The following TTLL8 variants were observed in gnomAD, a reference collection of about 807,000 sequenced individuals.
The protein encoded by TTLL8 is tubulin tyrosine ligase like 8, also known as protein monoglycylase TTLL8.
A neutral mutation model predicts 77.8 loss-of-function variants in TTLL8; 65 were observed. The observed-to-expected ratio is 0.84, with a 90% CI of 0.68 to 1.03. The LOEUF (loss-of-function observed/expected upper bound fraction) is 1.03. TTLL8 is among the 50% of genes least tolerant of loss of function. TTLL8 has a pLI of 0.00. For missense variants in TTLL8, 910 were observed against 1,004.5 expected (o/e 0.91, Z 1.27); for synonymous variants, 402 against 422.8 (o/e 0.95, Z 0.60).
chr22:50,048,862 C>T (rs1201611885), intron 3 of TTLL8, among the ~76,000 whole-genome samples: 2 of 152,204 alleles, frequency 1.3e-5, no homozygotes, highest in Non-Finnish European at 2.9e-5. Context: ...TGGGGAGGCA[C>T]ATACTACTGT....
rs769897519 is a variant in TTLL8 at position 50,050,095 on chromosome 22, C to T, written c.190+14G>A. 1.5e-6 allele frequency: 2 copies of T among 1,365,690 alleles called. No homozygotes were observed. The highest frequency in any genetic ancestry group is 2.0e-6 in the Non-Finnish European group (2 of 1,021,480). The allele number at this position is 1,365,690 out of a possible 1,614,324, so 84.6% of individuals were successfully genotyped here. A position where few individuals can be genotyped will look rare whatever the true frequency, so the allele number is the denominator to read the frequency against. ...ACACGCCCTGAGCTGAGACGTGCGC[C>T]TCCGATACGCTACCATTGACCCGGG... On this transcript the variant is annotated intron_variant, in intron 2 of 13. Transcript: ENST00000266182.
chr22:50,052,955 G>C (rs974452246), intron 1 of TTLL8, among the ~76,000 whole-genome samples: 1 of 152,170 alleles, frequency 6.6e-6, no homozygotes, highest in Non-Finnish European at 1.5e-5. Flanking sequence ...AGCACGGTGG[G>C]TCAAGTCAGT....
chr22:50,038,204 T>G (rs954990111), intron 8 of TTLL8, among the ~76,000 whole-genome samples: 1 of 152,228 alleles, frequency 6.6e-6, no homozygotes, highest in African/African-American at 2.4e-5. Flanking sequence ...GTCTTGTATA[T>G]TAACTTTGTA....
At chr22:50,027,678 G>A in intron 12 of TTLL8, 1 of 985,458 alleles carries the variant, frequency 1.0e-6, no homozygotes, top group Non-Finnish European at 1.2e-6. Context: ...GGCCGGACTG[G>A]GCCTGGTGAC....
intron 6 of TTLL8, among the ~76,000 whole-genome samples, chr22:50,043,547 A>G (rs1425360331): frequency 6.8e-6 from 1 of 147,212 alleles, no homozygotes; most frequent in Non-Finnish European, 1.5e-5. Flanking sequence ...CGTTAGATGG[A>G]TAGATAGATA....
rs5771321 is a variant in TTLL8 at position 50,044,688 on chromosome 22, A to G, written c.643+567T>C. Reference sequence around the variant, plus strand: ...CTCTGGTGGGGGATGTTGGCGGTGCAGGAGGCGCGGGGGCAGGAGAGTGTG... The same window carrying G: ...CTCTGGTGGGGGATGTTGGCGGTGCGGGAGGCGCGGGGGCAGGAGAGTGTG... On this transcript the variant is annotated intron_variant, in intron 6 of 13. Coordinates refer to ENST00000266182, the Ensembl canonical transcript of TTLL8. The surrounding 1 kb of genome is among the most constrained non-coding windows in gnomAD (Gnocchi z 4.2). 0.46 allele frequency among the ~76,000 whole-genome samples: 69,349 copies of G among 152,136 alleles called. 16,148 individuals are homozygous for G. Among genetic ancestry groups the G allele is most frequent in the Non-Finnish European group, 0.5 (34,324 of 67,978 alleles).
rs2061398991 is a variant in TTLL8 at position 50,044,957 on chromosome 22, C to T, written c.643+298G>A. On this transcript the variant is annotated intron_variant, in intron 6 of 13. Transcript: ENST00000266182. The surrounding 1 kb of genome is among the most constrained non-coding windows in gnomAD (Gnocchi z 4.2). ...GTGGCCGTGGGGTGGGGCAGGCTTC[C>T]GACCACAGGCTGGAACCACGTCCGC... Among the ~76,000 whole-genome samples the T allele has an allele frequency of 6.6e-6, 1 of 152,084 alleles. No homozygotes were observed. The highest frequency in any genetic ancestry group is 2.4e-5 in the African/African-American group (1 of 41,396).
chr22:50,019,734 C>T (rs1211728108), intron 12 of TTLL8, among the ~76,000 whole-genome samples: 4 of 152,188 alleles, frequency 2.6e-5, no homozygotes, highest in South Asian at 2.1e-4. Context: ...GAGCCCTTCT[C>T]GGACTCCTGA....
At position 50,041,142 on chromosome 22, in the gene TTLL8, C is replaced by G. The variant is rs760983364; in HGVS notation, c.921+45G>C. The G allele has an allele frequency of 1.0e-5, 4 of 392,342 alleles. No homozygotes were observed. The Admixed American group carries it at 1.1e-4, about 11-fold the overall frequency. 24.3% of individuals were successfully genotyped at this position (392,342 alleles called of 1,614,324 possible). On this transcript the variant is annotated intron_variant, in intron 8 of 13. Transcript: ENST00000266182. The surrounding 1 kb of genome is among the most constrained non-coding windows in gnomAD (Gnocchi z 4.3). ...ACCTCTGCCAGTCACTCACCAACACCAAGAGTGAGGCAGGTGCCCCAGTGG... is the reference window on the plus strand; with the variant it reads ...ACCTCTGCCAGTCACTCACCAACACGAAGAGTGAGGCAGGTGCCCCAGTGG...
chr22:50,021,881 TCTCCATCTGACGTGCACTC>T (rs1419419833), intron 12 of TTLL8, among the ~76,000 whole-genome samples: 1 of 66,032 alleles, frequency 1.5e-5, no homozygotes, highest in Non-Finnish European at 3.0e-5. Flanking sequence ...GACATGCACT[TCTCCATCTGACGTGCACTC>T]CTCCATCTGA....
At chr22:50,053,195 A>G (rs2061453009) in intron 1 of TTLL8, among the ~76,000 whole-genome samples, 1 of 144,746 alleles carries the variant, frequency 6.9e-6, no homozygotes, top group South Asian at 2.2e-4. Context: ...GCACTCTAGC[A>G]TGGGTGACAG....
intron 12 of TTLL8, among the ~76,000 whole-genome samples, chr22:50,024,623 T>A (rs1186703298): frequency 6.6e-6 from 1 of 152,204 alleles, no homozygotes; most frequent in Non-Finnish European, 1.5e-5. Context: ...AAATTTAACG[T>A]TTTATTTAGG....
intron 8 of TTLL8, among the ~76,000 whole-genome samples, chr22:50,035,950 TGG>T (rs746160403): frequency 5.9e-5 from 9 of 152,134 alleles, no homozygotes; most frequent in African/African-American, 2.2e-4. Context: ...GCCCCTGCTT[TGG>T]GGGGAGAAGG....
In TTLL8 at chr22:50,049,980, G is replaced by A. The variant is rs545002211; in HGVS notation, c.190+129C>T. ...AGGCCAGGAGGGTGATGGAGACCTG[G>A]GGTCGGAGATACCCCATCACGCACA... On this transcript the variant is annotated intron_variant, in intron 2 of 13. Transcript: ENST00000266182. 3.7e-4 allele frequency: 428 copies of A among 1,147,270 alleles called. No individual in the cohort carries two copies. The African/African-American group carries it at 6.5e-3, about 17-fold the overall frequency. The allele number at this position is 1,147,270 out of a possible 1,614,324, so 71.1% of individuals were successfully genotyped here. A position where few individuals can be genotyped will look rare whatever the true frequency, so the allele number is the denominator to read the frequency against.
At chr22:50,032,171 G>T in intron 10 of TTLL8, 62 bp from the exon 12 acceptor site, 5 of 1,295,318 alleles carry the variant, frequency 3.9e-6, no homozygotes, top group Non-Finnish European at 4.0e-6. Context: ...ACCCAAGGCC[G>T]GTCCTCCCAG....
chr22:50,037,767 A>G (rs2061346531), intron 8 of TTLL8, among the ~76,000 whole-genome samples: 1 of 152,144 alleles, frequency 6.6e-6, no homozygotes, highest in South Asian at 2.1e-4. Context: ...ACTATTGTAA[A>G]CCTAGAGTAA....
At chr22:50,038,760 T>A (rs1471078424) in intron 8 of TTLL8, among the ~76,000 whole-genome samples, 1 of 151,892 alleles carries the variant, frequency 6.6e-6, no homozygotes, top group Non-Finnish European at 1.5e-5. Context: ...TGCAGTGAGC[T>A]ATGATTGTAC....
intron 12 of TTLL8, among the ~76,000 whole-genome samples, chr22:50,023,412 C>T (rs1032798088): frequency 1.3e-5 from 2 of 152,176 alleles, no homozygotes; most frequent in African/African-American, 4.8e-5. Context: ...AGGCTGGGCA[C>T]GGTGGCTGAC....
At position 50,041,232 on chromosome 22, in the gene TTLL8, C is replaced by T. The variant is rs1463535910; in HGVS notation, c.876G>A (p.Gln292=). 1 of 485,680 alleles carries T rather than the reference C, an allele frequency of 2.1e-6. No individual in the cohort carries two copies. Among genetic ancestry groups the T allele is most frequent in the Non-Finnish European group, 4.1e-6 (1 of 243,314 alleles). 30.1% of individuals were successfully genotyped at this position (485,680 alleles called of 1,614,324 possible). Residue 292 remains glutamine (Q), a synonymous_variant, in exon 8 of 14, where the codon CAG becomes CAA. Coordinates refer to ENST00000266182, the Ensembl canonical transcript of TTLL8. This position sits in a 1 kb window ranked among gnomAD's most constrained non-coding sequence, Gnocchi z 4.3. ...GGGGCTCAAATGACATCATAACCTT[C>T]TGGATTTTGAAGATGCACAAGACAA...
Sources: allele counts gnomAD v4.1 joint callset (sites outside exome capture counted in the v4.1 genomes callset), GRCh38; gene constraint gnomAD v4.1.1; non-coding constraint Gnocchi (gnomAD v3.1); transcripts MANE v1.5; gene names NCBI Gene and HGNC (gene_info 2026-07-23, HGNC 2026-07-21).